ZNFX1: variants seen among roughly 807,000 people sequenced by gnomAD.
ZNFX1 encodes the protein NFX1-type zinc finger-containing protein 1.
A neutral mutation model predicts 179.8 loss-of-function variants in ZNFX1; 78 were observed. The ratio of observed to expected loss-of-function variants is 0.43; its 90% confidence interval spans 0.36 to 0.52. ZNFX1 has a LOEUF of 0.52. Ranked by LOEUF, ZNFX1 falls within the 20% of genes least tolerant of loss-of-function variation. The pLI, the probability that ZNFX1 is intolerant of heterozygous loss-of-function variation, is 0.00. For synonymous variants in ZNFX1, 848 were observed against 868.5 expected, an observed-to-expected ratio of 0.98 and a Z score of 0.42; for missense variants, 1,927 against 2,386.6, an observed-to-expected ratio of 0.81 and a Z score of 4.01.
chr20:49,271,076 T>G lies in ZNFX1; in HGVS notation c.736A>C (p.Asn246His), dbSNP rs1207098960. ...AGGTCCTGGAGGAGGGAGATGATGTTGCTTATGTGCTCTGGATACTGGTTT... is the reference window on the plus strand; with the variant it reads ...AGGTCCTGGAGGAGGGAGATGATGTGGCTTATGTGCTCTGGATACTGGTTT... ...IRNQYPEHIS[N>H]IISLLQDLVS... is the part of the protein sequence containing the mutation. The change falls in exon 3 of 14, where the codon AAC becomes CAC. Residue 246 changes from asparagine (N) to histidine (H), a missense_variant. Coordinates refer to ENST00000396105, the MANE Select transcript of ZNFX1 (RefSeq NM_021035.3). 3.7e-6 allele frequency: 6 copies of G among 1,614,068 alleles called. No individual in the cohort carries two copies. Among genetic ancestry groups the G allele is most frequent in the Admixed American group, 1.7e-5 (1 of 60,002 alleles).
intron 5 of ZNFX1, among the ~76,000 whole-genome samples, chr20:49,264,358 T>TTATTA (rs1981187749): frequency 6.6e-6 from 1 of 152,206 alleles, no homozygotes; most frequent in Non-Finnish European, 1.5e-5. Context: ...ATATCTGTTC[T>TTATTA]CTCTCTTTTC....
chr20:49,252,058 C>A (rs73113562), intron 12 of ZNFX1, among the ~76,000 whole-genome samples: 13,587 of 152,048 alleles, frequency 0.089, 751 homozygotes, highest in African/African-American at 0.16. Context: ...GTCACGAGCT[C>A]CTGAACTCAA....
rs750154074 is a variant in ZNFX1 at position 49,248,319 on chromosome 20, C to T, written c.4705G>A (p.Glu1569Lys). The T allele has an allele frequency of 1.2e-6, 2 of 1,614,064 alleles. No homozygotes were observed. Among genetic ancestry groups the T allele is most frequent in the Non-Finnish European group, 1.7e-6 (2 of 1,180,048 alleles). The change falls in exon 14 of 14, where the codon GAG becomes AAG. Residue 1569 changes from glutamate (E) to lysine (K), a missense_variant. Glu to Lys is a moderately conservative substitution (Grantham distance 56, BLOSUM62 1). Coordinates refer to ENST00000396105, the MANE Select transcript of ZNFX1 (RefSeq NM_021035.3). The surrounding 1 kb of genome is among the most constrained non-coding windows in gnomAD (Gnocchi z 4.6). ...AAGCCAAAGAATATTTGGGTGACCT[C>T]ATCCATGTGGCAGATCCGGCATTTC... Reference protein sequence around the residue: ...PKKCRICHMDEVTQIFFGFED... With the variant: ...PKKCRICHMDKVTQIFFGFED...
At chr20:49,277,740 T>C (rs1187996409) in intron 1 of ZNFX1, among the ~76,000 whole-genome samples, 2 of 127,022 alleles carry the variant, frequency 1.6e-5, no homozygotes, top group East Asian at 4.5e-4. Context: ...AGGTCTGGGG[T>C]CTGAGGGGGA....
At position 49,247,758 on chromosome 20, in the gene ZNFX1, G is replaced by A; in HGVS notation, c.5266C>T (p.Leu1756Phe). Residue 1756 changes from leucine to phenylalanine, a missense_variant, in exon 14 of 14, where the codon CTC becomes TTC. By Grantham distance (22) the Leu-to-Phe change is conservative. Coordinates refer to ENST00000396105, the MANE Select transcript of ZNFX1 (RefSeq NM_021035.3). ...LSFTSQELSD[L>F]RSEIQRLTYL... The stretch of plus-strand genomic sequence containing the variant: ...GTGAGCCTCTGGATTTCACTTCGGA[G>A]GTCACTTAGTTCCTGGCTAGTGAAG... 1 of 1,614,190 alleles carries A rather than the reference G, an allele frequency of 6.2e-7. No individual in the cohort carries two copies. Among genetic ancestry groups the A allele is most frequent in the Non-Finnish European group, 8.5e-7 (1 of 1,180,050 alleles).
chr20:49,261,202 C>G (rs2146735548), intron 6 of ZNFX1, among the ~76,000 whole-genome samples: 1 of 152,232 alleles, frequency 6.6e-6, no homozygotes, highest in East Asian at 1.9e-4. Flanking sequence ...CCACTGCCCT[C>G]CAGCCTGGGC....
intron 1 of ZNFX1, among the ~76,000 whole-genome samples, chr20:49,277,493 G>A (rs1981606866): frequency 1.3e-5 from 2 of 151,002 alleles, no homozygotes; most frequent in African/African-American, 4.9e-5. Flanking sequence ...CAGGAGGTGA[G>A]GCCGGAGGAA....
Position 49,270,811 on chromosome 20 carries a change from C to T in ZNFX1, c.1001G>A (p.Arg334Gln), listed in dbSNP as rs1356101739. The change falls in exon 3 of 14, where the codon CGA becomes CAA. Residue 334 changes from arginine (R) to glutamine (Q), a missense_variant. By Grantham distance (43) the Arg-to-Gln change is conservative. Transcript: ENST00000396105. This position sits in a 1 kb window ranked among gnomAD's most constrained non-coding sequence, Gnocchi z 4.6. ...GTAGGTAGGGTAAATGGGCATGGTTCGGTAGCTCTCAACATGGTCTTCTGC... is the reference window on the plus strand; with the variant it reads ...GTAGGTAGGGTAAATGGGCATGGTTTGGTAGCTCTCAACATGGTCTTCTGC... ...PEAEDHVESY[R>Q]TMPIYPTYNE... 14 of 1,614,016 alleles carry T rather than the reference C, an allele frequency of 8.7e-6. No homozygotes were observed. In the East Asian group the frequency reaches 8.9e-5, roughly 10 times the overall value.
At chr20:49,267,481 T>TG (rs1163863835) in intron 3 of ZNFX1, among the ~76,000 whole-genome samples, 1 of 151,682 alleles carries the variant, frequency 6.6e-6, no homozygotes, top group Non-Finnish European at 1.5e-5. Flanking sequence ...CATAAAGTTT[T>TG]TTTTTTTTTT....
chr20:49,251,200 T>C (rs938537806), intron 13 of ZNFX1, among the ~76,000 whole-genome samples: 2 of 152,144 alleles, frequency 1.3e-5, no homozygotes, highest in African/African-American at 4.8e-5. Context: ...TGCAGTAGCA[T>C]GGCACGATCT....
chr20:49,255,493 T>C (rs1320557582), intron 9 of ZNFX1, among the ~76,000 whole-genome samples: 1 of 74,320 alleles, frequency 1.3e-5, no homozygotes, highest in African/African-American at 3.7e-5. Context: ...GTTACCTCTC[T>C]GTTCTTTTCT....
rs1417224930 is a variant in ZNFX1, at chr20:49,247,491, GACC to G, written c.5530_5532del (p.Gly1844del). The G allele has an allele frequency of 6.2e-7, 1 of 1,614,168 alleles. No homozygotes were observed. Among genetic ancestry groups the G allele is most frequent in the Admixed American group, 1.7e-5 (1 of 60,016 alleles). On this transcript the variant is annotated inframe_deletion, in exon 14 of 14. Coordinates refer to ENST00000396105, the MANE Select transcript of ZNFX1 (RefSeq NM_021035.3). Reference sequence around the variant, plus strand: ...TGGCCATTGCGGCACTTGAACCAGTGACCACGAGGATAACCTATGGCACTGACA... The same window carrying G: ...TGGCCATTGCGGCACTTGAACCAGTGACGAGGATAACCTATGGCACTGACA...
intron 2 of ZNFX1, 149 bp from the exon 3 acceptor site, chr20:49,271,899 A>G: frequency 1.3e-5 from 12 of 939,698 alleles, no homozygotes; most frequent in Non-Finnish European, 1.5e-5. Flanking sequence ...AAGTCATATG[A>G]TAAATGAAAG....
chr20:49,259,024 C>A (rs571327231), intron 7 of ZNFX1, among the ~76,000 whole-genome samples: 3 of 150,822 alleles, frequency 2.0e-5, no homozygotes, highest in Admixed American at 2.0e-4. Flanking sequence ...ATTGCTCGAA[C>A]CTAGGAGGCA....
rs757996392 is a variant in ZNFX1 at position 49,249,153 on chromosome 20, G to T, written c.3871C>A (p.Pro1291Thr). ...CCACAGCCCAGGCGGAACTCGCAGG[G>T]CAGGCTGCAGCCTCCTTCGGGTACT... ...QKVPEGGCSLPCEFRLGCGHV... is the reference protein window; with the variant it reads ...QKVPEGGCSLTCEFRLGCGHV... The change falls in exon 14 of 14, where the codon CCC becomes ACC. Residue 1291 changes from proline (P) to threonine (T), a missense_variant. Transcript: ENST00000396105. 1.2e-6 allele frequency: 2 copies of T among 1,614,214 alleles called. No individual in the cohort carries two copies. The highest frequency in any genetic ancestry group is 3.3e-4 in the Middle Eastern group (2 of 6,062).
rs377494376 is a variant in ZNFX1 at position 49,270,398 on chromosome 20, T to G, written c.1414A>C (p.Arg472=). 1.5e-5 allele frequency: 25 copies of G among 1,614,108 alleles called. No individual in the cohort carries two copies. The highest frequency in any genetic ancestry group is 2.1e-5 in the Non-Finnish European group (25 of 1,180,028). ...ETFLFATVSN[R]EQEDLCRGIV... is the part of the protein sequence containing the mutation. The stretch of plus-strand genomic sequence containing the variant: ...CCTCGGCAGAGATCTTCCTGCTCCC[T>G]GTTAGATACGGTGGCAAAAAGAAAT... Residue 472 remains arginine, a synonymous_variant, in exon 3 of 14, where the codon AGG becomes CGG. Transcript: ENST00000396105. This position sits in a 1 kb window ranked among gnomAD's most constrained non-coding sequence, Gnocchi z 4.6.
intron 10 of ZNFX1, 141 bp downstream of exon 10, chr20:49,254,354 T>C: frequency 8.5e-7 from 1 of 1,170,984 alleles, no homozygotes. Flanking sequence ...CCAAGAGTTC[T>C]CAAAATATGG....
chr20:49,269,842 TAAGTA>T (rs1600996217), intron 3 of ZNFX1, 95 bp downstream of exon 3: 34 of 1,399,220 alleles, frequency 2.4e-5, no homozygotes, highest in Non-Finnish European at 2.9e-5. Context: ...GAAAATAAAA[TAAGTA>T]AATAAGAAGA....
chr20:49,273,863 G>A (rs756239735), intron 2 of ZNFX1, among the ~76,000 whole-genome samples: 4 of 152,116 alleles, frequency 2.6e-5, no homozygotes, highest in African/African-American at 4.8e-5. Flanking sequence ...CCGGGAGGTC[G>A]GGGCTGCAGT....
Sources: gnomAD v4.1 joint callset for allele counts (sites outside exome capture counted in the v4.1 genomes callset) on GRCh38, gnomAD v4.1.1 for gene constraint, Gnocchi (gnomAD v3.1) non-coding constraint, MANE v1.5 for transcripts, NCBI Gene and HGNC (gene_info 2026-07-23, HGNC 2026-07-21) for gene names.